RBFOX1: variants seen among roughly 807,000 people sequenced by gnomAD.
The protein encoded by RBFOX1 is RNA binding protein fox-1 homolog 1.
A neutral mutation model predicts 57.7 loss-of-function variants in RBFOX1; 8 were observed. The ratio of observed to expected loss-of-function variants is 0.14; its 90% confidence interval spans 0.08 to 0.25. The LOEUF (loss-of-function observed/expected upper bound fraction) is 0.25. RBFOX1 is among the 10% of genes least tolerant of loss of function. The pLI, the probability that RBFOX1 is intolerant of heterozygous loss-of-function variation, is 1.00. For missense variants in RBFOX1, 611 were observed against 548.5 expected, an observed-to-expected ratio of 1.11 and a Z score of -1.14; for synonymous variants, 326 against 222.4, an observed-to-expected ratio of 1.47 and a Z score of -4.15.
At chr16:5,721,313 T>C (rs1275499795) in intron 3 of RBFOX1, among the ~76,000 whole-genome samples, 2 of 152,238 alleles carry the variant, frequency 1.3e-5, no homozygotes, top group Non-Finnish European at 2.9e-5. Flanking sequence ...CCTGCTACTT[T>C]GCTGAATTTA....
intron 3 of RBFOX1, among the ~76,000 whole-genome samples, chr16:6,844,618 G>T (rs546494013): frequency 1.3e-5 from 2 of 151,938 alleles, no homozygotes; most frequent in Non-Finnish European, 2.9e-5. Flanking sequence ...CCTTGTCTTT[G>T]CTATCGTGAA....
chr16:6,591,461 A>G (rs557717169), intron 2 of RBFOX1, among the ~76,000 whole-genome samples: 1 of 152,284 alleles, frequency 6.6e-6, no homozygotes, highest in South Asian at 2.1e-4. Flanking sequence ...CTCACAAAAA[A>G]AGGAAAATGA....
intron 2 of RBFOX1, among the ~76,000 whole-genome samples, chr16:6,601,121 C>T (rs1469151722): frequency 6.6e-6 from 1 of 152,152 alleles, no homozygotes; most frequent in Non-Finnish European, 1.5e-5. Flanking sequence ...ACCCCTTTAG[C>T]CTAGTTGTAA....
intron 4 of RBFOX1, among the ~76,000 whole-genome samples, chr16:5,971,072 C>T (rs1302738365): frequency 4.6e-5 from 7 of 152,152 alleles, no homozygotes; most frequent in Admixed American, 4.6e-4. Flanking sequence ...GTTCCTGTCC[C>T]CTTTCGATCT....
intron 3 of RBFOX1, among the ~76,000 whole-genome samples, chr16:6,783,877 C>T (rs1482949956): frequency 6.6e-6 from 1 of 152,098 alleles, no homozygotes; most frequent in East Asian, 1.9e-4. Context: ...AAAGTCTTTA[C>T]TTCTCCACGT....
intron 4 of RBFOX1, among the ~76,000 whole-genome samples, chr16:7,387,290 T>C (rs936818787): frequency 1.3e-5 from 2 of 152,156 alleles, no homozygotes; most frequent in African/African-American, 4.8e-5. Flanking sequence ...ATGAGCTATG[T>C]TCTATTTTTA....
chr16:5,245,798 C>G (rs1289917482), intron 1 of RBFOX1, among the ~76,000 whole-genome samples: 2 of 152,178 alleles, frequency 1.3e-5, no homozygotes, highest in Non-Finnish European at 2.9e-5. Context: ...AAAAGTCAAT[C>G]ATGATTTGAA....
intron 4 of RBFOX1, among the ~76,000 whole-genome samples, chr16:7,233,000 G>C (rs1357899184): frequency 1.3e-5 from 2 of 151,990 alleles, no homozygotes; most frequent in South Asian, 2.1e-4. Context: ...TTGTCACCCT[G>C]CTTTCCTGGA....
intron 11 of RBFOX1, among the ~76,000 whole-genome samples, chr16:7,636,677 G>C (rs1439600117): frequency 6.6e-6 from 1 of 152,184 alleles, no homozygotes; most frequent in African/African-American, 2.4e-5. Context: ...AAATACCGTA[G>C]ACTGGGAGGC....
chr16:6,807,197 G>C (rs1603627285), intron 3 of RBFOX1, among the ~76,000 whole-genome samples: 2 of 151,962 alleles, frequency 1.3e-5, no homozygotes, highest in Non-Finnish European at 2.9e-5. Context: ...ATTGGACAGG[G>C]AGACCAGTTA....
chr16:7,457,648 T>C (rs1567269545), intron 4 of RBFOX1, among the ~76,000 whole-genome samples: 1 of 152,126 alleles, frequency 6.6e-6, no homozygotes. Context: ...AGGTATCAAA[T>C]CCCCTTTGCT....
At chr16:6,367,766 G>C (rs931231820) in intron 2 of RBFOX1, among the ~76,000 whole-genome samples, 2 of 134,516 alleles carry the variant, frequency 1.5e-5, no homozygotes, top group African/African-American at 5.9e-5. Flanking sequence ...AAAAAAAATA[G>C]GGAAAATGAT....
At chr16:6,081,187 G>A (rs1055339697) in intron 1 of RBFOX1, among the ~76,000 whole-genome samples, 1 of 152,100 alleles carries the variant, frequency 6.6e-6, no homozygotes, top group Admixed American at 6.6e-5. Context: ...GGCTGTTCCC[G>A]GGACACATTT....
intron 2 of RBFOX1, among the ~76,000 whole-genome samples, chr16:6,529,977 C>CT (rs2096633897): frequency 6.6e-6 from 1 of 152,024 alleles, no homozygotes; most frequent in African/African-American, 2.4e-5. Context: ...CTTTCTGGTC[C>CT]CTTTTGGTTA....
intron 1 of RBFOX1, among the ~76,000 whole-genome samples, chr16:6,265,766 C>G (rs2074405301): frequency 1.3e-5 from 2 of 152,114 alleles, no homozygotes; most frequent in Admixed American, 1.3e-4. Context: ...TAGCTTCAGC[C>G]TTTTTGAACC....
At chr16:7,147,696 C>A (rs1164442795) in intron 4 of RBFOX1, among the ~76,000 whole-genome samples, 4 of 152,094 alleles carry the variant, frequency 2.6e-5, no homozygotes, top group Admixed American at 1.3e-4. Flanking sequence ...GTATGGACCA[C>A]ATTTTCTTTA....
At chr16:6,747,027 G>A (rs1018271902) in intron 3 of RBFOX1, among the ~76,000 whole-genome samples, 1 of 152,104 alleles carries the variant, frequency 6.6e-6, no homozygotes, top group African/African-American at 2.4e-5. Context: ...TGAGGTGTTA[G>A]CCTACAGAAG....
At chr16:5,353,803 G>A (rs761834439) in intron 1 of RBFOX1, among the ~76,000 whole-genome samples, 7 of 151,910 alleles carry the variant, frequency 4.6e-5, no homozygotes, top group Non-Finnish European at 8.8e-5. Flanking sequence ...GCTACTGTGC[G>A]CTTGCTCGCA....
At chr16:5,805,642 G>A (rs1242949333) in intron 3 of RBFOX1, among the ~76,000 whole-genome samples, 1 of 152,178 alleles carries the variant, frequency 6.6e-6, no homozygotes, top group Non-Finnish European at 1.5e-5. Flanking sequence ...GTGGAGAGCT[G>A]TTACCACCCC....
Sources: gnomAD v4.1 joint callset for allele counts (sites outside exome capture counted in the v4.1 genomes callset) on GRCh38, gnomAD v4.1.1 for gene constraint, MANE v1.5 for transcripts, NCBI Gene and HGNC (gene_info 2026-07-23, HGNC 2026-07-21) for gene names.